SLC17A5: variants seen among roughly 807,000 people sequenced by gnomAD.
SLC17A5 encodes the protein sialin.
A neutral mutation model predicts 59.4 loss-of-function variants in SLC17A5; 47 were observed. That is an observed-to-expected ratio of 0.79 (90% CI 0.63 to 1.01). SLC17A5 has a LOEUF of 1.01. Among genes scored for constraint, SLC17A5 ranks in the 50% least tolerant of loss-of-function variants. The pLI is 0.00. For missense variants in SLC17A5, 522 were observed against 595.5 expected (o/e 0.88, Z 1.28); for synonymous variants, 202 against 210.7 (o/e 0.96, Z 0.36).
chr6:73,645,613 C>T, intron 1 of SLC17A5: 1 of 390,984 alleles, frequency 2.6e-6, no homozygotes, highest in Non-Finnish European at 3.5e-6. Flanking sequence ...TCGGTGAAAC[C>T]CCGTCTCTAC....
intron 2 of SLC17A5, among the ~76,000 whole-genome samples, chr6:73,643,851 G>A (rs1165626918): frequency 2.0e-5 from 3 of 152,146 alleles, no homozygotes; most frequent in Admixed American, 1.3e-4. Context: ...AACATAAAAT[G>A]AAGTATATAT....
At chr6:73,631,504 G>A (rs186876690) in intron 6 of SLC17A5, among the ~76,000 whole-genome samples, 75 of 151,946 alleles carry the variant, frequency 4.9e-4, no homozygotes, top group Non-Finnish European at 2.5e-4. Context: ...CCTACTGCAA[G>A]TCTAAACTGC....
intron 9 of SLC17A5, among the ~76,000 whole-genome samples, chr6:73,602,540 C>A (rs146833758): frequency 6.6e-6 from 1 of 151,964 alleles, no homozygotes; most frequent in African/African-American, 2.4e-5. Flanking sequence ...TTTGGGAGGC[C>A]GAGGCGGGTG....
intron 10 of SLC17A5, among the ~76,000 whole-genome samples, chr6:73,596,628 G>A (rs574791003): frequency 1.1e-4 from 16 of 151,890 alleles, no homozygotes; most frequent in Non-Finnish European, 2.1e-4. Flanking sequence ...AGGCCGAGGC[G>A]GGCGGATCAT....
chr6:73,648,763 A>G (rs1769701738), intron 1 of SLC17A5, among the ~76,000 whole-genome samples: 2 of 152,136 alleles, frequency 1.3e-5, no homozygotes, highest in African/African-American at 4.8e-5. Context: ...CAGTCAGAGA[A>G]GGCCTCTTGG....
chr6:73,615,316 T>G lies in SLC17A5; in HGVS notation c.1110A>C (p.Ile370=). 12 of 1,614,040 alleles carry G rather than the reference T, an allele frequency of 7.4e-6. No individual in the cohort carries two copies. The highest frequency in any genetic ancestry group is 9.3e-6 in the Non-Finnish European group (11 of 1,179,984). The change falls in exon 8 of 11, where the codon ATA becomes ATC. Residue 370 remains isoleucine (I), a splice_region_variant and synonymous_variant. Coordinates refer to ENST00000355773, the MANE Select transcript of SLC17A5 (RefSeq NM_012434.5). ...ACAAAACCTGATTGCTTCACTTACC[T>G]ATAAGGCTAAAAATTCTGCGAACAC... ...TLCVRRIFSL[I]GMIGPAVFLV...
chr6:73,609,286 T>C (rs1581961776), intron 9 of SLC17A5, among the ~76,000 whole-genome samples: 1 of 152,230 alleles, frequency 6.6e-6, no homozygotes, highest in South Asian at 2.1e-4. Flanking sequence ...TCCAGAGAGG[T>C]AGCTGTAGAA....
At chr6:73,596,152 TGAA>T (rs1766790090) in intron 10 of SLC17A5, among the ~76,000 whole-genome samples, 1 of 152,094 alleles carries the variant, frequency 6.6e-6, no homozygotes, top group South Asian at 2.1e-4. Context: ...AAAAGTTTAC[TGAA>T]GATAGATAGA....
intron 10 of SLC17A5, 93 bp downstream of exon 10, chr6:73,600,258 T>TTCA (rs1766994113): frequency 1.0e-6 from 1 of 963,138 alleles, no homozygotes; most frequent in South Asian, 1.4e-5. Context: ...ATAAGAACAT[T>TTCA]TAGAATTTTA....
intron 5 of SLC17A5, among the ~76,000 whole-genome samples, chr6:73,635,775 C>T (rs1768963674): frequency 6.8e-6 from 1 of 147,640 alleles, no homozygotes; most frequent in South Asian, 2.1e-4. Flanking sequence ...GAGTCTTGCT[C>T]TGTCTCACAG....
chr6:73,641,928 C>G lies in SLC17A5; in HGVS notation c.292-4G>C, dbSNP rs370580788. 1 of 1,611,882 alleles carries G rather than the reference C, an allele frequency of 6.2e-7. No individual in the cohort carries two copies. On this transcript the variant is annotated splice_polypyrimidine_tract_variant and splice_region_variant and intron_variant, in intron 2 of 10. Transcript: ENST00000355773. ...CATCCCATTGGTACTTCTTACCCTA[C>G]AAAAATCAGAAAAGAATAAAACAAT...
intron 9 of SLC17A5, among the ~76,000 whole-genome samples, chr6:73,602,834 T>C (rs1767212693): frequency 2.0e-5 from 3 of 151,732 alleles, no homozygotes; most frequent in Admixed American, 6.6e-5. Context: ...CCCCTTTTTA[T>C]AGTGATATAG....
chr6:73,610,082 G>C (rs1289007330), intron 9 of SLC17A5, among the ~76,000 whole-genome samples: 1 of 151,792 alleles, frequency 6.6e-6, no homozygotes, highest in Non-Finnish European at 1.5e-5. Context: ...TGCCCAGGCT[G>C]AAGTGCAATG....
At chr6:73,627,057 C>A (rs1768452569) in intron 6 of SLC17A5, among the ~76,000 whole-genome samples, 1 of 151,524 alleles carries the variant, frequency 6.6e-6, no homozygotes, top group African/African-American at 2.4e-5. Context: ...CAGGCGTGAG[C>A]CACCACGCCT....
At chr6:73,627,791 G>A (rs900487902) in intron 6 of SLC17A5, among the ~76,000 whole-genome samples, 5 of 151,706 alleles carry the variant, frequency 3.3e-5, no homozygotes, top group African/African-American at 1.2e-4. Context: ...ACCACACCCG[G>A]CTAATTTTTG....
In SLC17A5 at chr6:73,600,353, C is replaced by T. The variant is rs1368129574; in HGVS notation, c.1348G>A (p.Asp450Asn). ...GPVIAKSLTP[D>N]NTVGEWQTVF... The stretch of plus-strand genomic sequence containing the variant: ...TTACAAGTAAATTATCTACTTACAT[C>T]AGGGGTCAGACTTTTAGCAATGACG... Residue 450 changes from aspartate to asparagine, a missense_variant and splice_region_variant, in exon 10 of 11, where the codon GAT becomes AAT. Around this residue, in one of 3 missense-constraint regions of SLC17A5, gnomAD observed 153 missense variants for 168.5 expected, o/e 0.91. Transcript: ENST00000355773. 16 of 1,611,816 alleles carry T rather than the reference C, an allele frequency of 9.9e-6. No individual in the cohort carries two copies. Among genetic ancestry groups the T allele is most frequent in the Non-Finnish European group, 1.4e-5 (16 of 1,177,976 alleles).
At chr6:73,624,263 G>A (rs772037273) in intron 6 of SLC17A5, among the ~76,000 whole-genome samples, 3 of 151,782 alleles carry the variant, frequency 2.0e-5, no homozygotes, top group South Asian at 4.2e-4. Flanking sequence ...AATTAGCCGG[G>A]TGTGGTGGTG....
chr6:73,622,298 CTT>C (rs1189610313), intron 6 of SLC17A5, among the ~76,000 whole-genome samples: 18 of 116,732 alleles, frequency 1.5e-4, no homozygotes, highest in African/African-American at 4.9e-4. Flanking sequence ...TTCTTTCTTT[CTT>C]TTTTTTTTTT....
chr6:73,599,490 A>C (rs1005929917), intron 10 of SLC17A5, among the ~76,000 whole-genome samples: 30 of 152,244 alleles, frequency 2.0e-4, no homozygotes, highest in Non-Finnish European at 1.2e-4. Context: ...TTTCCCTAGC[A>C]GAAGTGCTGG....
Sources: gnomAD v4.1 joint callset for allele counts (sites outside exome capture counted in the v4.1 genomes callset) on GRCh38, gnomAD v4.1.1 for gene constraint, gnomAD v4.1.1 regional missense constraint, MANE v1.5 for transcripts, NCBI Gene and HGNC (gene_info 2026-07-23, HGNC 2026-07-21) for gene names.